Variants in CD177 observed in about 807,000 individuals in gnomAD.
The protein encoded by CD177 is CD177 molecule.
In CD177, 41 loss-of-function variants were observed where a neutral mutation model predicts 38.1. That is an observed-to-expected ratio of 1.07 (90% CI 0.84 to 1.39). CD177 has a LOEUF of 1.39. Ranked by LOEUF, CD177 falls within the 40% of genes most tolerant of loss-of-function variation. The probability of loss-of-function intolerance (pLI) is 0.00; values close to 1 mark genes in which losing one functional copy is unlikely to be tolerated. For synonymous variants in CD177, 236 were observed against 216.7 expected (o/e 1.09, Z -0.78); for missense variants, 619 against 523.8 (o/e 1.18, Z -1.77).
Position 43,354,316 on chromosome 19 carries a change from C to T in CD177, c.303C>T (p.Thr101=), listed in dbSNP as rs770461969. 4 of 1,613,968 alleles carry T rather than the reference C, an allele frequency of 2.5e-6. No homozygotes were observed. Among genetic ancestry groups the T allele is most frequent in the Admixed American group, 1.7e-5 (1 of 60,018 alleles). Residue 101 remains threonine, a synonymous_variant, in exon 3 of 9, where the codon ACC becomes ACT. Transcript: ENST00000618265. The part of the protein sequence containing the change: ...MGPGLSLISY[T]FVCRQEDFCN... Reference sequence around the variant, plus strand: ...CCGGCCTCTCCCTGATCTCCTACACCTTCGTGTGCCGCCAGGAGGACTTCT... The same window carrying T: ...CCGGCCTCTCCCTGATCTCCTACACTTTCGTGTGCCGCCAGGAGGACTTCT...
At chr19:43,364,263 G>A (rs962260706), downstream of CD177, among the ~76,000 whole-genome samples, 1 of 152,186 alleles carries the variant, frequency 6.6e-6, no homozygotes, top group African/African-American at 2.4e-5. Context: ...CAGCTGCTGA[G>A]GTCCTGGGGG....
In CD177 at chr19:43,360,318, C is replaced by T. The variant is rs763134449; in HGVS notation, c.673C>T (p.Gln225Ter). The change falls in exon 6 of 9, where the codon CAA (glutamine) becomes TAA (stop). Residue 225 changes from glutamine to a stop codon, truncating the protein, a stop_gained. Transcript: ENST00000618265. LOFTEE classifies it high-confidence loss of function. ...TTIMTHGNLA[Q>*]EPTDWTTSNT... is the part of the protein sequence containing the mutation. ...CATTATGACACACGGAAACTTGGCT[C>T]AAGAACCCACTGATTGGACCACATC... is the stretch of plus-strand genomic sequence containing the variant. 5 of 1,612,890 alleles carry T rather than the reference C, an allele frequency of 3.1e-6. No individual in the cohort carries two copies. In the African/African-American group the frequency reaches 5.3e-5, roughly 17 times the overall value.
At chr19:43,363,173 C>A (rs1969998562), downstream of CD177, 1 of 152,190 alleles carries the variant, frequency 6.6e-6, no homozygotes, top group South Asian at 2.1e-4. Context: ...TCTCAGCAGA[C>A]CACCGTTCTA....
rs1969990745 is a variant in CD177, at chr19:43,362,717, G to A, written c.*397G>A. 1 of 156,388 alleles carries A rather than the reference G, an allele frequency of 6.4e-6. No homozygotes were observed. Among genetic ancestry groups the A allele is most frequent in the Non-Finnish European group, 1.4e-5 (1 of 70,952 alleles). The allele number at this position is 156,388 out of a possible 1,614,324, so 9.7% of individuals were successfully genotyped here. On this transcript the variant is annotated 3_prime_UTR_variant, in exon 9 of 9. Coordinates refer to ENST00000618265, the MANE Select transcript of CD177 (RefSeq NM_020406.4). ...CTGGTTCACGTCTCCAAACCAGCTT[G>A]GATGGTAGCAGAGACTTCAGGGTGC...
At chr19:43,354,459 G>C (rs776348280) in intron 3 of CD177, 67 bp downstream of exon 3, 1 of 1,535,984 alleles carries the variant, frequency 6.5e-7, no homozygotes, top group Non-Finnish European at 9.0e-7. Flanking sequence ...GCACAGAGGG[G>C]CTGTTACGGA....
Position 43,361,180 on chromosome 19 carries a change from C to T in CD177, c.798C>T (p.Ser266=). ...TSTLVGTKGC[S]TVGAQNSQKT... ...CCCTGGTGGGGACAAAAGGCTGCAG[C>T]ACTGTTGGGGCTCAAAATTCCCAGA... Residue 266 remains serine (S), a synonymous_variant, in exon 7 of 9, where the codon AGC becomes AGT. Coordinates refer to ENST00000618265, the MANE Select transcript of CD177 (RefSeq NM_020406.4). 6.5e-7 allele frequency: 1 copy of T among 1,549,292 alleles called. No individual in the cohort carries two copies. Among genetic ancestry groups the T allele is most frequent in the South Asian group, 1.1e-5 (1 of 90,058 alleles).
intron 5 of CD177, among the ~76,000 whole-genome samples, chr19:43,360,055 A>G (rs1056985362): frequency 6.6e-6 from 1 of 151,846 alleles, no homozygotes; most frequent in Non-Finnish European, 1.5e-5. Context: ...CTGTGAGAGG[A>G]CGTCCCTGCG....
At chr19:43,355,027 G>A (rs1458678782) in intron 3 of CD177, among the ~76,000 whole-genome samples, 2 of 147,574 alleles carry the variant, frequency 1.4e-5, no homozygotes, top group Admixed American at 6.8e-5. Context: ...GTCTACATTT[G>A]GCCTCAGCAG....
chr19:43,360,746 C>T (rs1304220641), intron 6 of CD177: 5 of 420,310 alleles, frequency 1.2e-5, no homozygotes, highest in Non-Finnish European at 2.2e-5. Context: ...CCAATCCCAT[C>T]TGTATTCCTG....
In CD177 at chr19:43,360,733, G is replaced by A. The variant is rs1312676677; in HGVS notation, c.760+328G>A. The A allele has an allele frequency of 7.2e-6, 3 of 416,488 alleles. No homozygotes were observed. In the South Asian group the frequency reaches 9.7e-5, roughly 14 times the overall value. The allele number at this position is 416,488 out of a possible 1,614,324, so 25.8% of individuals were successfully genotyped here. ...TCCAGCATTTGTTTTAGGTGCCGCAGATCCAATCCCATCTGTATTCCTGCA... is the reference window on the plus strand; with the variant it reads ...TCCAGCATTTGTTTTAGGTGCCGCAAATCCAATCCCATCTGTATTCCTGCA... On this transcript the variant is annotated intron_variant, in intron 6 of 8. Transcript: ENST00000618265.
chr19:43,354,552 GCTCCCTTTCCATCCCTCCCCA>G, intron 3 of CD177, 160 bp downstream of exon 3: 2 of 703,070 alleles, frequency 2.8e-6, no homozygotes, highest in Non-Finnish European at 2.3e-6. Flanking sequence ...GCCCCGCCCC[GCTCCCTTTCCATCCCTCCCCA>G]CTCACTCCCG....
rs779990458 is a variant in CD177 at position 43,354,019 on chromosome 19, C to T, written c.193+26C>T. The T allele has an allele frequency of 9.3e-6, 15 of 1,606,688 alleles. No individual in the cohort carries two copies. The African/African-American group carries it at 1.6e-4, about 17-fold the overall frequency. ...GTGAGAAGGCCCTGGCGTGCAGAGACCCCGCCCTGTCCCCTCAGTCCCTTG... is the reference window on the plus strand; with the variant it reads ...GTGAGAAGGCCCTGGCGTGCAGAGATCCCGCCCTGTCCCCTCAGTCCCTTG... On this transcript the variant is annotated intron_variant, in intron 2 of 8. Transcript: ENST00000618265.
At chr19:43,361,677 A>C (rs1376111316) in intron 8 of CD177, 98 bp downstream of exon 8, 1 of 1,223,566 alleles carries the variant, frequency 8.2e-7, no homozygotes, top group East Asian at 2.9e-5. Context: ...TCCTGGTCCG[A>C]GGGAGGAGGC....
chr19:43,354,082 G>C, intron 2 of CD177, 89 bp downstream of exon 2: 1 of 1,569,776 alleles, frequency 6.4e-7, no homozygotes, highest in Non-Finnish European at 8.6e-7. Context: ...CCCTCCGGGG[G>C]ATCGACTCCT....
At chr19:43,360,603 C>G (rs1969948974) in intron 6 of CD177, 198 bp downstream of exon 6, 2 of 603,866 alleles carry the variant, frequency 3.3e-6, no homozygotes, top group South Asian at 4.1e-5. Context: ...CAGTGTCTGC[C>G]TTTCTGGGGA....
At position 43,362,393 on chromosome 19, in the gene CD177, T is replaced by A. The variant is rs1326070070; in HGVS notation, c.*73T>A. On this transcript the variant is annotated 3_prime_UTR_variant, in exon 9 of 9. Transcript: ENST00000618265. ...ACCTCCCTCTGACCTCATAACCTAA[T>A]GGCCTTGGACACCAGATTCTTTCCC... 4 of 656,280 alleles carry A rather than the reference T, an allele frequency of 6.1e-6. No individual in the cohort carries two copies. The highest frequency in any genetic ancestry group is 2.8e-5 in the East Asian group (1 of 36,154). The allele number at this position is 656,280 out of a possible 1,614,324, so 40.7% of individuals were successfully genotyped here.
In CD177 at chr19:43,354,320, G is replaced by T. The variant is rs773947126; in HGVS notation, c.307G>T (p.Val103Leu). Residue 103 changes from valine (V) to leucine (L), a missense_variant, in exon 3 of 9, where the codon GTG (valine) becomes TTG (leucine). By Grantham distance (32) the Val-to-Leu change is conservative (BLOSUM62 1). Transcript: ENST00000618265. The stretch of plus-strand genomic sequence containing the variant: ...CCTCTCCCTGATCTCCTACACCTTC[G>T]TGTGCCGCCAGGAGGACTTCTGCAA... ...PGLSLISYTF[V>L]CRQEDFCNNL... 4 of 1,613,774 alleles carry T rather than the reference G, an allele frequency of 2.5e-6. No homozygotes were observed. Among genetic ancestry groups the T allele is most frequent in the Non-Finnish European group, 3.4e-6 (4 of 1,179,872 alleles).
chr19:43,366,036 G>C (rs1970023716), downstream of CD177, among the ~76,000 whole-genome samples: 1 of 152,176 alleles, frequency 6.6e-6, no homozygotes, highest in Non-Finnish European at 1.5e-5. Context: ...ACCTGCAGGA[G>C]GAGGCGCGGA....
rs778387059 is a variant in CD177, at chr19:43,354,374, G to A, written c.361G>A (p.Ala121Thr). The A allele has an allele frequency of 2.8e-5, 45 of 1,613,726 alleles. No homozygotes were observed. The highest frequency in any genetic ancestry group is 3.7e-5 in the Non-Finnish European group (44 of 1,179,870). The stretch of plus-strand genomic sequence containing the variant: ...CCTCGTTAACTCCCTCCCGCTTTGG[G>A]CCCCACAGCCCCCAGCAGGTGCCTG... ...NNLVNSLPLW[A>T]PQPPADPGSL... The change falls in exon 3 of 9, where the codon GCC becomes ACC. Residue 121 changes from alanine to threonine, a missense_variant. Transcript: ENST00000618265.
Sources: allele counts gnomAD v4.1 joint callset (sites outside exome capture counted in the v4.1 genomes callset), GRCh38; gene constraint gnomAD v4.1.1; transcripts MANE v1.5; gene names NCBI Gene and HGNC (gene_info 2026-07-23, HGNC 2026-07-21).